LRIG1: variants seen among roughly 807,000 people sequenced by gnomAD.
The protein encoded by LRIG1 is leucine-rich repeats and immunoglobulin-like domains protein 1.
LRIG1 carries 48 observed loss-of-function variants against 99.2 expected under a neutral mutation model. That is an observed-to-expected ratio of 0.48 (90% CI 0.38 to 0.62). The LOEUF (loss-of-function observed/expected upper bound fraction) is 0.62, where lower values mean the gene tolerates loss of function less well. LRIG1 is among the 20% of genes least tolerant of loss of function. The pLI is 0.00. For synonymous variants in LRIG1, 772 were observed against 596.1 expected (o/e 1.29, Z -4.30); for missense variants, 1,646 against 1,434.4 (o/e 1.15, Z -2.38).
chr3:66,393,387 C>T (rs1242181723), intron 12 of LRIG1, among the ~76,000 whole-genome samples: 5 of 152,172 alleles, frequency 3.3e-5, no homozygotes, highest in South Asian at 2.1e-4. Flanking sequence ...TCTTCCTGAC[C>T]GTGAGCCTGT....
intron 8 of LRIG1, chr3:66,406,444 T>A (rs752799171): frequency 1.0e-6 from 1 of 984,726 alleles, no homozygotes; most frequent in African/African-American, 1.7e-5. Context: ...CTGGCCTGAA[T>A]AGCTTGGCTC....
rs373234240 is a variant in LRIG1, at chr3:66,414,977, T to C, written c.590A>G (p.Lys197Arg). 6 of 1,612,828 alleles carry C rather than the reference T, an allele frequency of 3.7e-6. No individual in the cohort carries two copies. The highest frequency in any genetic ancestry group is 5.1e-6 in the Non-Finnish European group (6 of 1,179,380). Residue 197 changes from lysine (K) to arginine (R), a missense_variant, in exon 5 of 19, where the codon AAA (lysine) becomes AGA (arginine). Coordinates refer to ENST00000273261, the MANE Select transcript of LRIG1 (RefSeq NM_015541.3). ...TACAGGAAGCTGGGTGATCCTGTTTTTGCTCAGGCGAAGAGTTAGCAGCGA... is the reference window on the plus strand; with the variant it reads ...TACAGGAAGCTGGGTGATCCTGTTTCTGCTCAGGCGAAGAGTTAGCAGCGA... Reference protein sequence around the residue: ...SRSLLTLRLSKNRITQLPVRA... With the variant: ...SRSLLTLRLSRNRITQLPVRA...
At chr3:66,467,931 G>A (rs1700512469) in intron 1 of LRIG1, among the ~76,000 whole-genome samples, 1 of 152,106 alleles carries the variant, frequency 6.6e-6, no homozygotes, top group Non-Finnish European at 1.5e-5. Context: ...TGTGGTGAGG[G>A]ATGGACACTG....
chr3:66,437,109 C>T (rs10049272), intron 3 of LRIG1, among the ~76,000 whole-genome samples: 5,974 of 152,266 alleles, frequency 0.039, 384 homozygotes, highest in African/African-American at 0.13. Context: ...ATTTTCCTTC[C>T]GTCTCTGCAG....
At chr3:66,487,366 A>G (rs1163427652) in intron 1 of LRIG1, among the ~76,000 whole-genome samples, 14 of 152,204 alleles carry the variant, frequency 9.2e-5, no homozygotes, top group Non-Finnish European at 2.9e-5. Context: ...AAACACTCCT[A>G]TGAAGTCCTC....
At chr3:66,463,989 C>T (rs544373028) in intron 1 of LRIG1, among the ~76,000 whole-genome samples, 25 of 152,208 alleles carry the variant, frequency 1.6e-4, no homozygotes, top group African/African-American at 4.8e-4. Flanking sequence ...TGCTTTAAAC[C>T]GCATATTGAA....
Position 66,478,350 on chromosome 3 carries a change from G to A in LRIG1, c.219-15841C>T, listed in dbSNP as rs574521100. Among the ~76,000 whole-genome samples the A allele has an allele frequency of 4.6e-5, 7 of 152,294 alleles. No individual in the cohort carries two copies. In the South Asian group the frequency reaches 1.5e-3, roughly 32 times the overall value. On this transcript the variant is annotated intron_variant, in intron 1 of 18. Transcript: ENST00000273261. ...AGGACAGCCAACCCATGGTTATCTC[G>A]ACAGGTGTGCGCAGGCAGGAGTTTC...
intron 1 of LRIG1, among the ~76,000 whole-genome samples, chr3:66,484,893 A>G (rs558316904): frequency 1.1e-4 from 17 of 152,124 alleles, no homozygotes; most frequent in Non-Finnish European, 2.2e-4. Context: ...GGTGGCTCAC[A>G]CCTGTAATCC....
intron 13 of LRIG1, among the ~76,000 whole-genome samples, chr3:66,385,368 G>T (rs984058881): frequency 2.3e-4 from 35 of 152,192 alleles, no homozygotes; most frequent in Non-Finnish European, 7.3e-5. Flanking sequence ...AGGGGTATTT[G>T]GAATTTGGAA....
intron 11 of LRIG1, 84 bp downstream of exon 11, chr3:66,398,028 A>C (rs1701921475): frequency 9.9e-6 from 11 of 1,115,650 alleles, no homozygotes; most frequent in Middle Eastern, 4.0e-4. Context: ...ACTTTTAACA[A>C]GTGAGCATAA....
rs780668573 is a variant in LRIG1 at position 66,398,954 on chromosome 3, C to T, written c.1232+16G>A. On this transcript the variant is annotated intron_variant, in intron 10 of 18. Coordinates refer to ENST00000273261, the MANE Select transcript of LRIG1 (RefSeq NM_015541.3). ...CAGCAGGCTGTGCCTCAGGGCAGGG[C>T]TGGTGAGATACTCACAGGTGCTCCA... The T allele has an allele frequency of 1.2e-6, 2 of 1,612,620 alleles. No homozygotes were observed. Among genetic ancestry groups the T allele is most frequent in the African/African-American group, 1.3e-5 (1 of 75,022 alleles).
chr3:66,440,607 G>T (rs1296427000), intron 3 of LRIG1, among the ~76,000 whole-genome samples: 2 of 152,178 alleles, frequency 1.3e-5, no homozygotes, highest in South Asian at 4.1e-4. Flanking sequence ...CCAGGGTTCA[G>T]TGTAGACAGC....
At chr3:66,413,754 T>G (rs541290509) in intron 5 of LRIG1, among the ~76,000 whole-genome samples, 2 of 152,166 alleles carry the variant, frequency 1.3e-5, no homozygotes, top group African/African-American at 4.8e-5. Flanking sequence ...CACACAAACC[T>G]TCTCAGGAAT....
intron 18 of LRIG1, 27 bp from the exon 19 acceptor site, chr3:66,380,516 ACCC>A: frequency 6.2e-7 from 1 of 1,613,888 alleles, no homozygotes; most frequent in South Asian, 1.1e-5. Flanking sequence ...AACCTGTCAG[ACCC>A]CCACTTGACC....
chr3:66,405,636 G>C, intron 8 of LRIG1: 1 of 839,648 alleles, frequency 1.2e-6, no homozygotes. Context: ...GTTCCTTAAG[G>C]CTCCCGTCTG....
At position 66,407,450 on chromosome 3, in the gene LRIG1, C is replaced by T. The variant is rs1201107709; in HGVS notation, c.977G>A (p.Ser326Asn). Residue 326 changes from serine to asparagine, a missense_variant, in exon 8 of 19, where the codon AGC becomes AAC. Physicochemically the swap from Ser to Asn is conservative, Grantham distance 46. Transcript: ENST00000273261. Reference protein sequence around the residue: ...FNNLTRLDEESLAELSSLSVL... With the variant: ...FNNLTRLDEENLAELSSLSVL... ...ACTCAGGCTGCTCAGCTCGGCCAGG[C>T]TCTCCTCGTCCAGCCGTGTCAGGTT... The T allele has an allele frequency of 6.2e-7, 1 of 1,613,976 alleles. No homozygotes were observed. Among genetic ancestry groups the T allele is most frequent in the South Asian group, 1.1e-5 (1 of 91,066 alleles).
chr3:66,383,871 T>TTTCAAACAGGGTCGAAAG, intron 14 of LRIG1, 120 bp downstream of exon 14: 1 of 1,408,932 alleles, frequency 7.1e-7, no homozygotes, highest in Non-Finnish European at 9.4e-7. Flanking sequence ...CAGCCCCAAA[T>TTTCAAACAGGGTCGAAAG]TTCAAACAGG....
intron 4 of LRIG1, among the ~76,000 whole-genome samples, chr3:66,416,699 A>G (rs1350091404): frequency 6.6e-6 from 1 of 152,200 alleles, no homozygotes; most frequent in Non-Finnish European, 1.5e-5. Flanking sequence ...CACTAGAAAG[A>G]TAAGCACTGA....
At chr3:66,404,942 G>T (rs1435767630) in intron 9 of LRIG1, among the ~76,000 whole-genome samples, 1 of 152,176 alleles carries the variant, frequency 6.6e-6, no homozygotes, top group African/African-American at 2.4e-5. Flanking sequence ...AAGCCCAAGA[G>T]AAGCTCCACC....
Sources: gnomAD v4.1 joint callset for allele counts (sites outside exome capture counted in the v4.1 genomes callset) on GRCh38, gnomAD v4.1.1 for gene constraint, MANE v1.5 for transcripts, NCBI Gene and HGNC (gene_info 2026-07-23, HGNC 2026-07-21) for gene names.